Variants in MGST1 observed in about 807,000 individuals in gnomAD.
MGST1 encodes glutathione S-transferase 12.
Under a neutral mutation model 8.9 loss-of-function variants are expected in MGST1, and 5 were observed. The ratio of observed to expected loss-of-function variants is 0.56; its 90% CI spans 0.29 to 1.19. The LOEUF is 1.19. Among genes scored for constraint, MGST1 ranks in the 50% most tolerant of loss-of-function variants. MGST1 has a pLI of 0.08. For missense variants in MGST1, 182 were observed against 187.4 expected (o/e 0.97, Z 0.17); for synonymous variants, 54 against 67.8 (o/e 0.80, Z 1.00).
chr12:16,380,430 G>A (rs1231048711), downstream of MGST1, among the ~76,000 whole-genome samples: 1 of 152,150 alleles, frequency 6.6e-6, no homozygotes, highest in Non-Finnish European at 1.5e-5. Context: ...AGGTTGTTCA[G>A]TTTCCATGTG....
At chr12:16,442,837 T>G (rs74673347), downstream of MGST1, among the ~76,000 whole-genome samples, 5,064 of 151,882 alleles carry the variant, frequency 0.033, 222 homozygotes, top group African/African-American at 0.1. The surrounding 1 kb of genome is among the most constrained non-coding windows in gnomAD (Gnocchi z 4.5). Context: ...ATTGGGACAA[T>G]TGGGTTAAAA....
At chr12:16,561,851 G>A (rs955454454) in intron 4 of MGST1, among the ~76,000 whole-genome samples, 1 of 152,184 alleles carries the variant, frequency 6.6e-6, no homozygotes, top group African/African-American at 2.4e-5. Flanking sequence ...TAAGCGCCTT[G>A]AAGGTAGAAA....
chr12:16,385,043 T>A lies in MGST1; in HGVS notation n.778+1439T>A, dbSNP rs375800775. 7.2e-5 allele frequency among the ~76,000 whole-genome samples: 11 copies of A among 152,314 alleles called. No homozygotes were observed. The East Asian group carries it at 1.9e-3, about 27-fold the overall frequency. On this transcript the variant is annotated intron_variant and non_coding_transcript_variant, in intron 1 of 1. Coordinates refer to the MGST1 transcript ENST00000359720. ...GGGAAATAGTATCAGGTGCTAGATA[T>A]GCTGAGAAAACAGCCCATGGATTTC...
At chr12:16,403,521 T>C (rs1311050271) in intron 1 of MGST1, among the ~76,000 whole-genome samples, 1 of 152,090 alleles carries the variant, frequency 6.6e-6, no homozygotes, top group African/African-American at 2.4e-5. Flanking sequence ...ATTAGATTGG[T>C]GCAAAAGTAA....
intron 1 of MGST1, chr12:16,402,238 T>G: frequency 6.3e-7 from 1 of 1,587,716 alleles, no homozygotes; most frequent in Non-Finnish European, 8.6e-7. Flanking sequence ...GTAGTATCAG[T>G]TAGTTCATAA....
intron 4 of MGST1, among the ~76,000 whole-genome samples, chr12:16,527,709 GAAT>G (rs1037033314): frequency 6.6e-6 from 1 of 151,848 alleles, no homozygotes; most frequent in African/African-American, 2.4e-5. Flanking sequence ...ACATCATGGG[GAAT>G]AATAATAATA....
intron 4 of MGST1, among the ~76,000 whole-genome samples, chr12:16,461,188 A>AAG (rs1941216427): frequency 6.6e-6 from 1 of 151,612 alleles, no homozygotes. Flanking sequence ...AGGAAAAAAA[A>AAG]AAAAAGCACA....
At chr12:16,387,515 C>G (rs1940513849) in intron 1 of MGST1, among the ~76,000 whole-genome samples, 1 of 150,592 alleles carries the variant, frequency 6.6e-6, no homozygotes, top group Admixed American at 6.7e-5. Context: ...GATAAATGCC[C>G]TATACAGGTA....
chr12:16,519,722 C>G (rs566560288), intron 4 of MGST1, among the ~76,000 whole-genome samples: 1 of 152,278 alleles, frequency 6.6e-6, no homozygotes, highest in African/African-American at 2.4e-5. Context: ...TCCTCTGCTT[C>G]ATACCTCTTA....
At chr12:16,408,030 CAAAA>C (rs200073692) in intron 1 of MGST1, among the ~76,000 whole-genome samples, 4 of 44,096 alleles carry the variant, frequency 9.1e-5, no homozygotes, top group Non-Finnish European at 1.3e-4. Flanking sequence ...GACTCTGTCT[CAAAA>C]AAAAAAAAAA....
intron 3 of MGST1, among the ~76,000 whole-genome samples, chr12:16,358,050 A>G (rs1438445219): frequency 1.3e-5 from 2 of 152,206 alleles, no homozygotes; most frequent in Non-Finnish European, 2.9e-5. Flanking sequence ...TAAAAGGTTG[A>G]AGAATTAGGT....
intron 4 of MGST1, among the ~76,000 whole-genome samples, chr12:16,553,687 G>C (rs899382654): frequency 1.3e-5 from 2 of 152,032 alleles, no homozygotes; most frequent in Non-Finnish European, 2.9e-5. Flanking sequence ...ATTACGACTG[G>C]TATGCAATTA....
At chr12:16,515,121 A>T (rs527628050) in intron 4 of MGST1, among the ~76,000 whole-genome samples, 1 of 152,332 alleles carries the variant, frequency 6.6e-6, no homozygotes, top group East Asian at 1.9e-4. Flanking sequence ...ATCATGGAGC[A>T]ACCTTATCAA....
Position 16,544,263 on chromosome 12 carries a change from C to CACACACACACACAA in MGST1, n.483-45264_483-45263insCACACACACACAAA, listed in dbSNP as rs1167716111. Among the ~76,000 whole-genome samples the CACACACACACACAA allele has an allele frequency of 3.4e-5, 5 of 147,606 alleles. No homozygotes were observed. The highest frequency in any genetic ancestry group is 1.2e-4 in the African/African-American group (5 of 40,136). On this transcript the variant is annotated intron_variant and non_coding_transcript_variant, in intron 4 of 4. Transcript: ENST00000538857. The surrounding 1 kb of genome is among the most constrained non-coding windows in gnomAD (Gnocchi z 4.8). Reference sequence around the variant, plus strand: ...ACACACACACACACACACACACACACAAAACATAACCTACTAGTCAATCTG... The same window carrying CACACACACACACAA: ...ACACACACACACACACACACACACACACACACACACACAAAAAACATAACCTACTAGTCAATCTG...
At chr12:16,496,947 G>A (rs1316217935) in intron 4 of MGST1, among the ~76,000 whole-genome samples, 1 of 152,062 alleles carries the variant, frequency 6.6e-6, no homozygotes, top group Non-Finnish European at 1.5e-5. Flanking sequence ...AATTGAAAAA[G>A]CACTGACAAA....
chr12:16,379,941 G>A (rs1008343954), downstream of MGST1, among the ~76,000 whole-genome samples: 39 of 152,194 alleles, frequency 2.6e-4, no homozygotes, highest in African/African-American at 8.9e-4. Flanking sequence ...GCATAGAGGT[G>A]TTTGTAGTAT....
chr12:16,348,332 A>C (rs1182164230), intron 1 of MGST1, among the ~76,000 whole-genome samples: 1 of 152,198 alleles, frequency 6.6e-6, no homozygotes, highest in African/African-American at 2.4e-5. Context: ...GCTAAGGGTG[A>C]GCCCCTTGGG....
At chr12:16,352,034 G>C (rs1939490823) in intron 1 of MGST1, among the ~76,000 whole-genome samples, 1 of 152,190 alleles carries the variant, frequency 6.6e-6, no homozygotes, top group South Asian at 2.1e-4. Flanking sequence ...AATTAATCAA[G>C]CCTCTTGAAA....
intron 4 of MGST1, among the ~76,000 whole-genome samples, chr12:16,456,895 A>G (rs1167688638): frequency 6.6e-6 from 1 of 151,840 alleles, no homozygotes; most frequent in African/African-American, 2.4e-5. Flanking sequence ...TTCTTCCTTA[A>G]TTTGAATGTT....
Sources: gnomAD v4.1 joint callset for allele counts (sites outside exome capture counted in the v4.1 genomes callset) on GRCh38, gnomAD v4.1.1 for gene constraint, Gnocchi (gnomAD v3.1) non-coding constraint, MANE v1.5 for transcripts, NCBI Gene and HGNC (gene_info 2026-07-23, HGNC 2026-07-21) for gene names.